The following MAP3K4 variants were observed in gnomAD, a reference collection of about 807,000 sequenced individuals.
The protein encoded by MAP3K4 is mitogen-activated protein kinase kinase kinase 4.
MAP3K4 carries 67 observed loss-of-function variants against 185.6 expected under a neutral mutation model. That is an observed-to-expected ratio of 0.36 (90% CI 0.30 to 0.44). The LOEUF (loss-of-function observed/expected upper bound fraction) is 0.44. Among genes scored for constraint, MAP3K4 ranks in the 20% least tolerant of loss-of-function variants. The pLI, the probability that MAP3K4 is intolerant of heterozygous loss-of-function variation, is 1.00. For missense variants in MAP3K4, 1,551 were observed against 1,995.1 expected, an observed-to-expected ratio of 0.78 and a Z score of 4.24; for synonymous variants, 702 against 710.4, an observed-to-expected ratio of 0.99 and a Z score of 0.19.
rs1236603539 is a variant in MAP3K4, at chr6:161,061,178, T to TAA, written c.1708-9430_1708-9429insAA. Among the ~76,000 whole-genome samples, 2 of 152,210 alleles carry TAA rather than the reference T, an allele frequency of 1.3e-5. No individual in the cohort carries two copies. The highest frequency in any genetic ancestry group is 4.8e-5 in the African/African-American group (2 of 41,456). ...TTAATCCATATATCACCACCTTTCT[T>TAA]TTTTTATTGAGAAGCCCAATGTTCT... is the stretch of plus-strand genomic sequence containing the variant. On this transcript the variant is annotated intron_variant, in intron 3 of 26. Coordinates refer to ENST00000392142, the MANE Select transcript of MAP3K4 (RefSeq NM_005922.4). The surrounding 1 kb of genome is among the most constrained non-coding windows in gnomAD (Gnocchi z 4.2).
chr6:161,060,871 C>T (rs940026263), intron 3 of MAP3K4, among the ~76,000 whole-genome samples: 3 of 152,112 alleles, frequency 2.0e-5, no homozygotes, highest in Non-Finnish European at 2.9e-5. Flanking sequence ...CTGCCGGCCT[C>T]GGCCTCCCAG....
At chr6:161,072,615 A>G (rs954888176) in intron 4 of MAP3K4, among the ~76,000 whole-genome samples, 3 of 152,256 alleles carry the variant, frequency 2.0e-5, no homozygotes, top group African/African-American at 7.2e-5. Flanking sequence ...AGTGTAAAAC[A>G]TAATAGTATA....
Position 161,111,915 on chromosome 6 carries a change from C to T in MAP3K4, c.4476C>T (p.Ala1492=), listed in dbSNP as rs1428710753. Residue 1492 remains alanine (A), a synonymous_variant, in exon 24 of 27, where the codon GCC becomes GCT. Coordinates refer to ENST00000392142, the MANE Select transcript of MAP3K4 (RefSeq NM_005922.4). ...GTTCAGTAAAGCTCAAAAACAATGC[C>T]CAGACCATGCCTGGTGAAGTGAACA... ...FGCSVKLKNN[A]QTMPGEVNST... is the part of the protein sequence containing the mutation. The T allele has an allele frequency of 6.2e-7, 1 of 1,614,108 alleles. No individual in the cohort carries two copies. Among genetic ancestry groups the T allele is most frequent in the Non-Finnish European group, 8.5e-7 (1 of 1,180,018 alleles).
At chr6:161,047,606 T>C (rs1783795118) in intron 2 of MAP3K4, among the ~76,000 whole-genome samples, 1 of 152,106 alleles carries the variant, frequency 6.6e-6, no homozygotes, top group Non-Finnish European at 1.5e-5. Context: ...ATATATGATG[T>C]GGAAATGAAT....
In MAP3K4 at chr6:160,992,012, ACCGCCGCCGCCG is replaced by A; in HGVS notation, c.84_95del (p.Pro33_Pro36del). On this transcript the variant is annotated inframe_deletion, in exon 1 of 27. Transcript: ENST00000392142. ...CCGCCGCCATGGAGGAGCCGCCGCC[ACCGCCGCCGCCG>A]CCACCACCGCCACCGGAACCCGAGA... 26 of 1,539,728 alleles carry A rather than the reference ACCGCCGCCGCCG, an allele frequency of 1.7e-5. No individual in the cohort carries two copies. Among genetic ancestry groups the A allele is most frequent in the Non-Finnish European group, 2.3e-5 (26 of 1,150,118 alleles).
chr6:161,083,816 A>C (rs9458115), intron 6 of MAP3K4, among the ~76,000 whole-genome samples: 1 of 152,138 alleles, frequency 6.6e-6, no homozygotes, highest in Non-Finnish European at 1.5e-5. Flanking sequence ...CATGCCTTCA[A>C]TGGGTCTGAA....
chr6:161,112,095 C>G lies in MAP3K4; in HGVS notation c.4519+137C>G. On this transcript the variant is annotated intron_variant, in intron 24 of 26. Transcript: ENST00000392142. This position sits in a 1 kb window ranked among gnomAD's most constrained non-coding sequence, Gnocchi z 5.1. ...TTTCAGTCGTGAGAAGGACCACTTC[C>G]TCACACACTTGGGCTCCCACGCAAG... 1 of 1,138,014 alleles carries G rather than the reference C, an allele frequency of 8.8e-7. No individual in the cohort carries two copies. The allele number at this position is 1,138,014 out of a possible 1,614,324, so 70.5% of individuals were successfully genotyped here. A position where few individuals can be genotyped will look rare whatever the true frequency, so the allele number is the denominator to read the frequency against.
intron 1 of MAP3K4, among the ~76,000 whole-genome samples, chr6:160,998,878 C>T (rs1035445559): frequency 1.3e-5 from 2 of 152,168 alleles, no homozygotes; most frequent in Non-Finnish European, 2.9e-5. Flanking sequence ...ACTGTGTAAT[C>T]GAGTGCCTTT....
In MAP3K4 at chr6:161,113,891, G is replaced by A. The variant is rs185714007; in HGVS notation, c.4626+1117G>A. The stretch of plus-strand genomic sequence containing the variant: ...CGGCTCACTGCAACCTCCGCCTCCC[G>A]GGTTCAAGCAATTCTTCTGCCTCAG... On this transcript the variant is annotated intron_variant, in intron 25 of 26. Transcript: ENST00000392142. 2.9e-3 allele frequency among the ~76,000 whole-genome samples: 380 copies of A among 130,462 alleles called. 1 individual carries two copies. Among genetic ancestry groups the A allele is most frequent in the African/African-American group, 0.01 (355 of 34,158 alleles). The allele number at this position is 130,462 out of a possible 152,430, so 85.6% of individuals were successfully genotyped here.
Position 161,109,127 on chromosome 6 carries a change from C to A in MAP3K4, c.4236+268C>A. The stretch of plus-strand genomic sequence containing the variant: ...TTCAGAAGATTCTTCTAAAACGCCC[C>A]TTACACCACTTCTTGTGACTTTTTT... On this transcript the variant is annotated intron_variant, in intron 22 of 26. Transcript: ENST00000392142. The surrounding 1 kb of genome is among the most constrained non-coding windows in gnomAD (Gnocchi z 5.7). The A allele has an allele frequency of 1.2e-6, 1 of 864,746 alleles. No homozygotes were observed. Among genetic ancestry groups the A allele is most frequent in the East Asian group, 3.1e-5 (1 of 32,556 alleles). 53.6% of individuals were successfully genotyped at this position (864,746 alleles called of 1,614,324 possible).
rs1783236314 is a variant in MAP3K4, at chr6:161,037,654, GTGATCCACCTGCC to G, written c.343+3207_343+3219del. On this transcript the variant is annotated intron_variant, in intron 2 of 26. Transcript: ENST00000392142. The surrounding 1 kb of genome is among the most constrained non-coding windows in gnomAD (Gnocchi z 4.2). ...GCTGGTCTCGAACTGCTGACCTCAG[GTGATCCACCTGCC>G]TCAGTCTCCCAAAGTGCTGGGATTA... 1.3e-5 allele frequency among the ~76,000 whole-genome samples: 2 copies of G among 151,588 alleles called. No individual in the cohort carries two copies. Among genetic ancestry groups the G allele is most frequent in the African/African-American group, 4.8e-5 (2 of 41,386 alleles).
chr6:161,091,257 A>C lies in MAP3K4; in HGVS notation c.2974-122A>C. 1 of 664,806 alleles carries C rather than the reference A, an allele frequency of 1.5e-6. No homozygotes were observed. Among genetic ancestry groups the C allele is most frequent in the Non-Finnish European group, 2.4e-6 (1 of 409,958 alleles). 41.2% of individuals were successfully genotyped at this position (664,806 alleles called of 1,614,324 possible). On this transcript the variant is annotated intron_variant, in intron 11 of 26. Transcript: ENST00000392142. This position sits in a 1 kb window ranked among gnomAD's most constrained non-coding sequence, Gnocchi z 5.5. ...TCTATATTTGGTAATTCCTTTACCA[A>C]GTGGCTGAATTGTTTGTAGTGGTTA...
Position 161,115,359 on chromosome 6 carries a change from C to A in MAP3K4, c.4806+57C>A. 3 of 1,494,488 alleles carry A rather than the reference C, an allele frequency of 2.0e-6. No homozygotes were observed. The highest frequency in any genetic ancestry group is 1.3e-5 in the South Asian group (1 of 74,408). The allele number at this position is 1,494,488 out of a possible 1,614,324, so 92.6% of individuals were successfully genotyped here. A position where few individuals can be genotyped will look rare whatever the true frequency, so the allele number is the denominator to read the frequency against. ...GTTTAAGTGTTTAAGTTCTGTTTTG[C>A]ATCAAGACGTTAATGAAATTTTGAA... On this transcript the variant is annotated intron_variant, in intron 26 of 26. Transcript: ENST00000392142. The surrounding 1 kb of genome is among the most constrained non-coding windows in gnomAD (Gnocchi z 6.0).
rs781217588 is a variant in MAP3K4 at position 161,087,906 on chromosome 6, C to T, written c.2775C>T (p.Val925=). ...GGGGCACCTGGGAGGCACAGCCTGT[C>T]AAAGTCGTGCCTCAGGTGGAGACTG... ...DSWGTWEAQP[V]KVVPQVETVD... Residue 925 remains valine, a synonymous_variant, in exon 10 of 27, where the codon GTC becomes GTT. Coordinates refer to ENST00000392142, the MANE Select transcript of MAP3K4 (RefSeq NM_005922.4). This position sits in a 1 kb window ranked among gnomAD's most constrained non-coding sequence, Gnocchi z 4.9. 16 of 1,613,922 alleles carry T rather than the reference C, an allele frequency of 9.9e-6. No individual in the cohort carries two copies. Among genetic ancestry groups the T allele is most frequent in the Non-Finnish European group, 1.3e-5 (15 of 1,179,996 alleles).
chr6:161,049,334 A>G lies in MAP3K4; in HGVS notation c.1062A>G (p.Val354=). The G allele has an allele frequency of 6.2e-7, 1 of 1,614,214 alleles. No individual in the cohort carries two copies. Among genetic ancestry groups the G allele is most frequent in the South Asian group, 1.1e-5 (1 of 91,088 alleles). Residue 354 remains valine, a synonymous_variant, in exon 3 of 27, where the codon GTA becomes GTG. Coordinates refer to ENST00000392142, the MANE Select transcript of MAP3K4 (RefSeq NM_005922.4). This position sits in a 1 kb window ranked among gnomAD's most constrained non-coding sequence, Gnocchi z 8.4. ...LQRQRVSFEQ[V]KRIMELLEYI... is the part of the protein sequence containing the mutation. ...GCCAGAGGGTCTCATTTGAGCAGGT[A>G]AAACGGATAATGGAGCTGCTAGAGT...
At chr6:161,055,177 T>C (rs756342874) in intron 3 of MAP3K4, among the ~76,000 whole-genome samples, 1 of 152,192 alleles carries the variant, frequency 6.6e-6, no homozygotes, top group Non-Finnish European at 1.5e-5. Context: ...GATGTGCTTG[T>C]ATGGTGACCC....
intron 1 of MAP3K4, among the ~76,000 whole-genome samples, chr6:161,031,771 T>C (rs534496711): frequency 4.6e-5 from 7 of 152,222 alleles, no homozygotes; most frequent in Non-Finnish European, 8.8e-5. Flanking sequence ...ATGGTTAGAA[T>C]GTAGACCTTT....
rs1401609468 is a variant in MAP3K4 at position 161,080,392 on chromosome 6, T to C, written c.2098-489T>C. Among the ~76,000 whole-genome samples, 2 of 152,214 alleles carry C rather than the reference T, an allele frequency of 1.3e-5. No individual in the cohort carries two copies. Among genetic ancestry groups the C allele is most frequent in the Non-Finnish European group, 2.9e-5 (2 of 68,036 alleles). On this transcript the variant is annotated intron_variant, in intron 5 of 26. Transcript: ENST00000392142. This position sits in a 1 kb window ranked among gnomAD's most constrained non-coding sequence, Gnocchi z 4.8. ...TTTTGGTTTTAGATCATCATTTATA[T>C]GTTGCAAGCCTTGAAAACATTTTAT... is the stretch of plus-strand genomic sequence containing the variant.
At position 160,996,656 on chromosome 6, in the gene MAP3K4, AAGG is replaced by A. The variant is rs1281543397; in HGVS notation, c.152+4576_152+4578del. Among the ~76,000 whole-genome samples, 21 of 152,288 alleles carry A rather than the reference AAGG, an allele frequency of 1.4e-4. No individual in the cohort carries two copies. Among genetic ancestry groups the A allele is most frequent in the Admixed American group, 1.0e-3 (16 of 15,304 alleles). On this transcript the variant is annotated intron_variant, in intron 1 of 26. Coordinates refer to ENST00000392142, the MANE Select transcript of MAP3K4 (RefSeq NM_005922.4). This position sits in a 1 kb window ranked among gnomAD's most constrained non-coding sequence, Gnocchi z 4.5. ...AAAGAGAAAATGGAAAACGTGAGAG[AAGG>A]AGATTAGCTGAAGACTCCGTAGGTC...
Sources: gnomAD v4.1 joint callset for allele counts (sites outside exome capture counted in the v4.1 genomes callset) on GRCh38, gnomAD v4.1.1 for gene constraint, Gnocchi (gnomAD v3.1) non-coding constraint, MANE v1.5 for transcripts, NCBI Gene and HGNC (gene_info 2026-07-23, HGNC 2026-07-21) for gene names.